Variants in KIAA1217 observed in about 807,000 individuals in gnomAD.
KIAA1217 encodes KIAA1217.
A neutral mutation model predicts 163.9 loss-of-function variants in KIAA1217; 88 were observed. The ratio of observed to expected loss-of-function variants is 0.54; its 90% CI spans 0.45 to 0.64. The LOEUF is 0.64. Among genes scored for constraint, KIAA1217 ranks in the 30% least tolerant of loss-of-function variants. KIAA1217 has a pLI of 0.00. For missense variants in KIAA1217, 2,372 were observed against 2,475.0 expected (o/e 0.96, Z 0.88); for synonymous variants, 903 against 923.1 (o/e 0.98, Z 0.39).
At chr10:23,704,172 GTATATATATATATATATATATATATATA>G (rs35533445) in intron 1 of KIAA1217, among the ~76,000 whole-genome samples, 4 of 39,926 alleles carry the variant, frequency 1.0e-4, no homozygotes, top group African/African-American at 1.3e-4. Flanking sequence ...GTGTGTGTGT[GTATATATATATATATATATATATATATA>G]TATATATATA....
intron 1 of KIAA1217, among the ~76,000 whole-genome samples, chr10:23,705,189 C>G (rs2130717937): frequency 6.6e-6 from 1 of 152,140 alleles, no homozygotes; most frequent in South Asian, 2.1e-4. Flanking sequence ...ATTTTAGGTA[C>G]AAGTTTCTTG....
chr10:23,895,616 A>G (rs1841648235), intron 1 of KIAA1217, among the ~76,000 whole-genome samples: 1 of 152,100 alleles, frequency 6.6e-6, no homozygotes. Flanking sequence ...TAGAAATACC[A>G]TTTGACCCAG....
intron 1 of KIAA1217, among the ~76,000 whole-genome samples, chr10:23,762,013 A>G (rs1397712795): frequency 6.6e-6 from 1 of 152,216 alleles, no homozygotes; most frequent in Non-Finnish European, 1.5e-5. Flanking sequence ...GAAGAAATGG[A>G]TAAATTCCTG....
At chr10:24,186,291 C>A (rs2066425097) in intron 2 of KIAA1217, among the ~76,000 whole-genome samples, 1 of 152,100 alleles carries the variant, frequency 6.6e-6, no homozygotes, top group African/African-American at 2.4e-5. Context: ...ATTTGAAAAT[C>A]CTCTGGTTTT....
chr10:23,756,184 A>T (rs1485649968), intron 1 of KIAA1217, among the ~76,000 whole-genome samples: 1 of 151,622 alleles, frequency 6.6e-6, no homozygotes, highest in East Asian at 1.9e-4. Context: ...GCTGTTCTCA[A>T]ACTCCTTAGC....
chr10:24,388,851 T>G (rs1226345417), intron 3 of KIAA1217, among the ~76,000 whole-genome samples: 1 of 134,492 alleles, frequency 7.4e-6, no homozygotes, highest in African/African-American at 3.3e-5. Flanking sequence ...CAATCCACAA[T>G]GAGATACCAT....
At chr10:24,427,475 A>G (rs1425888424) in intron 3 of KIAA1217, among the ~76,000 whole-genome samples, 1 of 152,182 alleles carries the variant, frequency 6.6e-6, no homozygotes, top group African/African-American at 2.4e-5. Flanking sequence ...AGAAGTGGAC[A>G]TATAGCTTCT....
chr10:23,793,763 A>G (rs1689855803), intron 1 of KIAA1217, among the ~76,000 whole-genome samples: 1 of 152,116 alleles, frequency 6.6e-6, no homozygotes, highest in African/African-American at 2.4e-5. Context: ...GTGACCTACC[A>G]CACAGGCCAG....
At chr10:24,084,120 T>C (rs78507289) in intron 2 of KIAA1217, among the ~76,000 whole-genome samples, 3,617 of 152,314 alleles carry the variant, frequency 0.024, 139 homozygotes, top group African/African-American at 0.083. Flanking sequence ...AACATCATCT[T>C]TGCAGTAAGA....
intron 1 of KIAA1217, among the ~76,000 whole-genome samples, chr10:23,875,909 T>G (rs1588995511): frequency 9.4e-6 from 1 of 106,688 alleles, no homozygotes; most frequent in African/African-American, 3.8e-5. Flanking sequence ...TGAGAACACA[T>G]GGACAGAGGG....
intron 2 of KIAA1217, among the ~76,000 whole-genome samples, chr10:24,293,077 C>T (rs1216976544): frequency 1.3e-5 from 2 of 152,186 alleles, no homozygotes; most frequent in African/African-American, 4.8e-5. Context: ...GACTCTCCCT[C>T]TGTCGCCCAG....
intron 2 of KIAA1217, among the ~76,000 whole-genome samples, chr10:24,286,443 C>CAT (rs768917563): frequency 4.6e-4 from 70 of 150,660 alleles, no homozygotes; most frequent in Middle Eastern, 3.4e-3. Flanking sequence ...CACACACACG[C>CAT]ATATATATAT....
chr10:24,473,695 C>T lies in KIAA1217; in HGVS notation c.1314C>T (p.Pro438=). The T allele has an allele frequency of 3.7e-6, 6 of 1,614,046 alleles. No individual in the cohort carries two copies. The highest frequency in any genetic ancestry group is 5.1e-6 in the Non-Finnish European group (6 of 1,180,020). Residue 438 remains proline (P), a synonymous_variant, in exon 6 of 21, where the codon CCC becomes CCT. Coordinates refer to ENST00000376454, the MANE Select transcript of KIAA1217 (RefSeq NM_019590.5). ...GGTCAGCGAGTGCTTATTGTAACCCCTCAATGCAAGCGGAAATGCATATGG... is the reference window on the plus strand; with the variant it reads ...GGTCAGCGAGTGCTTATTGTAACCCTTCAATGCAAGCGGAAATGCATATGG... ...AIRSASAYCN[P]SMQAEMHMEQ... is the part of the protein sequence containing the mutation.
At chr10:23,742,818 C>T (rs1382062277) in intron 1 of KIAA1217, among the ~76,000 whole-genome samples, 1 of 152,128 alleles carries the variant, frequency 6.6e-6, no homozygotes, top group Non-Finnish European at 1.5e-5. Context: ...GATGAACAGC[C>T]AAGGTACAAT....
At chr10:24,492,302 A>C (rs190160319) in intron 6 of KIAA1217, among the ~76,000 whole-genome samples, 2 of 152,254 alleles carry the variant, frequency 1.3e-5, no homozygotes, top group East Asian at 3.9e-4. Context: ...TGAATTTCTT[A>C]CCATTGTTTC....
At chr10:24,175,988 T>C (rs898544894) in intron 2 of KIAA1217, among the ~76,000 whole-genome samples, 1 of 152,196 alleles carries the variant, frequency 6.6e-6, no homozygotes, top group African/African-American at 2.4e-5. Flanking sequence ...TCTTCCACAC[T>C]GTGGAAGGGG....
chr10:24,528,154 G>T, intron 14 of KIAA1217, 35 bp downstream of exon 14: 1 of 1,599,920 alleles, frequency 6.3e-7, no homozygotes, highest in Non-Finnish European at 8.5e-7. Flanking sequence ...ATATATGGAG[G>T]TACATGGCTT....
At chr10:24,358,584 CTT>C (rs2049440800) in intron 2 of KIAA1217, among the ~76,000 whole-genome samples, 1 of 152,070 alleles carries the variant, frequency 6.6e-6, no homozygotes, top group Non-Finnish European at 1.5e-5. Context: ...TCATTTTAGT[CTT>C]ATATCAAAGT....
chr10:23,967,899 ATGTGTGTG>A (rs58562978), intron 1 of KIAA1217, among the ~76,000 whole-genome samples: 1,759 of 143,926 alleles, frequency 0.012, 28 homozygotes, highest in African/African-American at 0.042. Context: ...AATATATTAA[ATGTGTGTG>A]TGTGTGTGTG....
Sources: allele counts gnomAD v4.1 joint callset (sites outside exome capture counted in the v4.1 genomes callset), GRCh38; gene constraint gnomAD v4.1.1; transcripts MANE v1.5; gene names NCBI Gene and HGNC (gene_info 2026-07-23, HGNC 2026-07-21).